Variants in WDR59 observed in about 807,000 individuals in gnomAD.
WDR59 encodes the protein WD repeat domain 59, also known as GATOR2 complex protein WDR59.
Under a neutral mutation model 131.2 loss-of-function variants are expected in WDR59, and 100 were observed. That is an observed-to-expected ratio of 0.76 (90% confidence interval 0.65 to 0.90). WDR59 has a LOEUF of 0.90. Ranked by LOEUF, WDR59 falls within the 40% of genes least tolerant of loss-of-function variation. WDR59 has a pLI of 0.00. For synonymous variants in WDR59, 601 were observed against 466.2 expected, an observed-to-expected ratio of 1.29 and a Z score of -3.72; for missense variants, 1,203 against 1,262.2, an observed-to-expected ratio of 0.95 and a Z score of 0.71.
In WDR59 at chr16:74,970,386, T is replaced by G. The variant is rs371563625; in HGVS notation, c.55-4564A>C. 4.9e-4 allele frequency among the ~76,000 whole-genome samples: 74 copies of G among 149,550 alleles called. 1 individual carries two copies. In the South Asian group the frequency reaches 0.015, roughly 30 times the overall value. On this transcript the variant is annotated intron_variant, in intron 1 of 25. Transcript: ENST00000262144. ...TATCTTCTAAGTCCCAAGACATACC[T>G]CCCCTAAGAAGCTCTCCCAGAATGG...
chr16:74,915,872 C>T lies in WDR59; in HGVS notation c.1222G>A (p.Glu408Lys). 1 of 1,614,236 alleles carries T rather than the reference C, an allele frequency of 6.2e-7. No homozygotes were observed. The highest frequency in any genetic ancestry group is 1.7e-5 in the Admixed American group (1 of 60,026). Residue 408 changes from glutamate to lysine, a missense_variant and splice_region_variant, in exon 13 of 26, where the codon GAG becomes AAG. Transcript: ENST00000262144. ...INVQIRNVNVEMDAADRSCTV... is the reference protein window; with the variant it reads ...INVQIRNVNVKMDAADRSCTV... ...ATACAGTTGATTAAACTAAGTACCT[C>T]CACATTGACATTCCGGATTTGCACA...
chr16:74,975,586 C>G (rs962644588), intron 1 of WDR59, among the ~76,000 whole-genome samples: 1 of 151,490 alleles, frequency 6.6e-6, no homozygotes, highest in Non-Finnish European at 1.5e-5. Context: ...ATTGCTTGAA[C>G]CTGGGAGGTG....
Position 74,931,542 on chromosome 16 carries a change from G to T in WDR59, c.651+6608C>A, listed in dbSNP as rs1197138990. On this transcript the variant is annotated intron_variant, in intron 8 of 25. Coordinates refer to ENST00000262144, the MANE Select transcript of WDR59 (RefSeq NM_030581.4). ...TGCAGAGATGGGGTTTTGCCATGTT[G>T]CCCAGGCTGGTCTCAAACTCCTAAG... Among the ~76,000 whole-genome samples, 3 of 152,016 alleles carry T rather than the reference G, an allele frequency of 2.0e-5. No individual in the cohort carries two copies. The South Asian group carries it at 6.2e-4, about 31-fold the overall frequency.
intron 1 of WDR59, among the ~76,000 whole-genome samples, chr16:74,966,840 GGAGCCAACGTCTAAC>G (rs1179908367): frequency 1.3e-5 from 2 of 152,184 alleles, no homozygotes; most frequent in Admixed American, 6.6e-5. Flanking sequence ...CATCGTTTCA[GGAGCCAACGTCTAAC>G]TCCCAAGAGA....
intron 10 of WDR59, among the ~76,000 whole-genome samples, chr16:74,919,325 T>C (rs976430824): frequency 6.6e-6 from 1 of 151,792 alleles, no homozygotes; most frequent in Non-Finnish European, 1.5e-5. Context: ...GGAACACCTT[T>C]TTTTTTTTAA....
intron 17 of WDR59, 88 bp downstream of exon 17, chr16:74,908,820 C>G: frequency 2.7e-6 from 3 of 1,103,204 alleles, no homozygotes; most frequent in Non-Finnish European, 4.1e-6. Flanking sequence ...AATGCACTGT[C>G]CAAAAGCAAA....
chr16:74,929,350 T>C (rs1008664460), intron 8 of WDR59, among the ~76,000 whole-genome samples: 11 of 152,030 alleles, frequency 7.2e-5, no homozygotes, highest in East Asian at 1.9e-4. Context: ...GCTGGGATTA[T>C]AGGCGTGAGC....
intron 2 of WDR59, among the ~76,000 whole-genome samples, chr16:74,965,423 C>A (rs1195719722): frequency 2.6e-5 from 4 of 152,164 alleles, no homozygotes; most frequent in Admixed American, 6.5e-5. Context: ...CAAACTGGAA[C>A]TCAGATTCCT....
chr16:74,975,530 G>A (rs930574746), intron 1 of WDR59, among the ~76,000 whole-genome samples: 6 of 151,224 alleles, frequency 4.0e-5, no homozygotes, highest in South Asian at 2.1e-4. Flanking sequence ...CGGACATGAT[G>A]GCAGGCGCCT....
intron 7 of WDR59, among the ~76,000 whole-genome samples, chr16:74,939,101 G>C (rs55727944): frequency 0.18 from 27,890 of 151,774 alleles, 3,275 homozygotes; most frequent in Non-Finnish European, 0.26. Context: ...GCCAAGGTGG[G>C]TGGATCACCT....
At chr16:74,950,032 T>G (rs2032903541) in intron 4 of WDR59, 2 of 563,166 alleles carry the variant, frequency 3.6e-6, no homozygotes, top group African/African-American at 3.7e-5. Flanking sequence ...AGAAATGGAG[T>G]GCTTCAACTT....
At chr16:74,923,812 C>G in intron 9 of WDR59, 114 bp downstream of exon 9, 1 of 961,756 alleles carries the variant, frequency 1.0e-6, no homozygotes, top group Non-Finnish European at 1.6e-6. Flanking sequence ...ACTAAACCAA[C>G]AGAGAAAGAG....
chr16:74,958,481 C>A (rs1297429993), intron 2 of WDR59, among the ~76,000 whole-genome samples: 1 of 148,990 alleles, frequency 6.7e-6, no homozygotes, highest in Non-Finnish European at 1.5e-5. Context: ...TAATCCCAGC[C>A]ACTCAGGAGG....
At chr16:74,891,848 C>T (rs1438111454) in intron 20 of WDR59, among the ~76,000 whole-genome samples, 5 of 152,130 alleles carry the variant, frequency 3.3e-5, no homozygotes, top group South Asian at 2.1e-4. Flanking sequence ...CGCTTGAACC[C>T]GGGAGGCGGA....
chr16:74,925,974 G>C (rs2030752298), intron 8 of WDR59, among the ~76,000 whole-genome samples: 2 of 139,160 alleles, frequency 1.4e-5, no homozygotes. Context: ...AACAGAGCAC[G>C]ATCCTGTCTC....
At chr16:74,889,924 G>A (rs1231839646) in intron 20 of WDR59, 109 bp from the exon 21 acceptor site, 5 of 728,326 alleles carry the variant, frequency 6.9e-6, no homozygotes, top group Non-Finnish European at 1.1e-5. Context: ...TGCTACATTG[G>A]GGGCAGCAAA....
chr16:74,908,997 A>T lies in WDR59; in HGVS notation c.1643-20T>A. On this transcript the variant is annotated intron_variant, in intron 16 of 25. Coordinates refer to ENST00000262144, the MANE Select transcript of WDR59 (RefSeq NM_030581.4). Reference sequence around the variant, plus strand: ...GGTAACCTAAAGGAGGAGACATCACATGAGCCATCAGTGTCAACAAGCTGG... The same window carrying T: ...GGTAACCTAAAGGAGGAGACATCACTTGAGCCATCAGTGTCAACAAGCTGG... The T allele has an allele frequency of 6.2e-7, 1 of 1,608,730 alleles. No homozygotes were observed.
intron 2 of WDR59, chr16:74,959,712 C>T (rs2033471065): frequency 3.5e-6 from 1 of 283,300 alleles, no homozygotes; most frequent in African/African-American, 2.3e-5. Context: ...CCCAGCAATT[C>T]AAGGCTGCAG....
chr16:74,941,359 G>GAA, intron 7 of WDR59, among the ~76,000 whole-genome samples: 2 of 145,668 alleles, frequency 1.4e-5, no homozygotes, highest in African/African-American at 5.0e-5. Flanking sequence ...AAAAAAAGAA[G>GAA]GGGAAAATGG....
Sources: gnomAD v4.1 joint callset for allele counts (sites outside exome capture counted in the v4.1 genomes callset) on GRCh38, gnomAD v4.1.1 for gene constraint, MANE v1.5 for transcripts, NCBI Gene and HGNC (gene_info 2026-07-23, HGNC 2026-07-21) for gene names.